GPD1L: variants seen among roughly 807,000 people sequenced by gnomAD.
The protein encoded by GPD1L is glycerol-3-phosphate dehydrogenase 1 like.
A neutral mutation model predicts 32.9 loss-of-function variants in GPD1L; 17 were observed. The observed-to-expected ratio is 0.52, with a 90% CI of 0.35 to 0.78. The LOEUF is 0.78. GPD1L is among the 30% of genes least tolerant of loss of function. The pLI is 0.01. For missense variants in GPD1L, 361 were observed against 447.8 expected, an observed-to-expected ratio of 0.81 and a Z score of 1.75; for synonymous variants, 187 against 165.9, an observed-to-expected ratio of 1.13 and a Z score of -0.98.
At position 32,166,559 on chromosome 3, in the gene GPD1L, G is replaced by C. The variant is rs1701150431; in HGVS notation, c.*649G>C. 1 of 153,660 alleles carries C rather than the reference G, an allele frequency of 6.5e-6. No individual in the cohort carries two copies. Among genetic ancestry groups the C allele is most frequent in the African/African-American group, 2.4e-5 (1 of 41,468 alleles). The allele number at this position is 153,660 out of a possible 1,614,324, so 9.5% of individuals were successfully genotyped here. On this transcript the variant is annotated 3_prime_UTR_variant, in exon 8 of 8. Transcript: ENST00000282541. ...CAGAATATGCCTTCGTCAAGGCTCAGAGGTAACAAGACAGAAAATTCATCT... is the reference window on the plus strand; with the variant it reads ...CAGAATATGCCTTCGTCAAGGCTCACAGGTAACAAGACAGAAAATTCATCT...
chr3:32,139,054 C>T (rs1263430309), intron 3 of GPD1L, among the ~76,000 whole-genome samples: 1 of 152,070 alleles, frequency 6.6e-6, no homozygotes, highest in African/African-American at 2.4e-5. Flanking sequence ...CATTAGTGCC[C>T]ATTCTTGGAT....
At chr3:32,129,360 C>G (rs1240646498) in intron 2 of GPD1L, among the ~76,000 whole-genome samples, 1 of 152,168 alleles carries the variant, frequency 6.6e-6, no homozygotes, top group Non-Finnish European at 1.5e-5. Flanking sequence ...GCGGGGGAGA[C>G]CGATCTCTAA....
chr3:32,120,333 A>T (rs925851512), intron 1 of GPD1L, among the ~76,000 whole-genome samples: 4 of 152,142 alleles, frequency 2.6e-5, no homozygotes, highest in African/African-American at 9.7e-5. Context: ...AACAAAAAAC[A>T]AACAAACAAA....
chr3:32,135,736 A>G (rs1472997467), intron 2 of GPD1L, among the ~76,000 whole-genome samples: 1 of 152,220 alleles, frequency 6.6e-6, no homozygotes, highest in East Asian at 1.9e-4. Context: ...TATTACAGGC[A>G]TGAGCATGGC....
rs756380702 is a variant in GPD1L at position 32,146,776 on chromosome 3, AT to A, written c.618+43del. On this transcript the variant is annotated intron_variant, in intron 5 of 7. Transcript: ENST00000282541. ...GGGAGGAGTTCATCAAGCAAGGCAA[AT>A]GTTAGCATCATTGAGTCTAATCCTC... 3 of 1,104,672 alleles carry A rather than the reference AT, an allele frequency of 2.7e-6. No homozygotes were observed. In the African/African-American group the frequency reaches 4.6e-5, roughly 17 times the overall value. 68.4% of individuals were successfully genotyped at this position (1,104,672 alleles called of 1,614,324 possible).
chr3:32,154,753 TA>T (rs1210529022), intron 5 of GPD1L, among the ~76,000 whole-genome samples: 3 of 106,320 alleles, frequency 2.8e-5, no homozygotes. Context: ...TCTCCTAAGC[TA>T]CTTTTTTTTT....
intron 5 of GPD1L, among the ~76,000 whole-genome samples, chr3:32,149,525 A>C (rs2125492419): frequency 6.6e-6 from 1 of 152,372 alleles, no homozygotes; most frequent in South Asian, 2.1e-4. Flanking sequence ...TAGAAAATTC[A>C]AAGGATTTAT....
chr3:32,151,175 GT>G, intron 5 of GPD1L: 1 of 584,480 alleles, frequency 1.7e-6, no homozygotes, highest in South Asian at 1.5e-5. Flanking sequence ...GAGCAGGCTG[GT>G]ACTTCAGTCT....
Position 32,168,425 on chromosome 3 carries a change from C to A in GPD1L, c.*2515C>A, listed in dbSNP as rs1701178854. On this transcript the variant is annotated 3_prime_UTR_variant, in exon 8 of 8. Transcript: ENST00000282541. ...AACTACACTGTTGCCTTGCTAGGAT[C>A]CACCCTCCTATAATATGGAACAAAT... The A allele has an allele frequency of 6.6e-6, 1 of 152,622 alleles. No individual in the cohort carries two copies. The highest frequency in any genetic ancestry group is 1.5e-5 in the Non-Finnish European group (1 of 68,046). 9.5% of individuals were successfully genotyped at this position (152,622 alleles called of 1,614,324 possible).
Position 32,167,961 on chromosome 3 carries a change from G to T in GPD1L, c.*2051G>T, listed in dbSNP as rs1183061787. 6.6e-6 allele frequency: 1 copy of T among 152,050 alleles called. No homozygotes were observed. The highest frequency in any genetic ancestry group is 1.5e-5 in the Non-Finnish European group (1 of 68,014). 9.4% of individuals were successfully genotyped at this position (152,050 alleles called of 1,614,324 possible). ...AAATCTTTGTTAAAGTTTGTACACA[G>T]GTAACAAAAAGTTACTTTAAAAGAT... On this transcript the variant is annotated 3_prime_UTR_variant, in exon 8 of 8. Coordinates refer to ENST00000282541, the MANE Select transcript of GPD1L (RefSeq NM_015141.4).
intron 5 of GPD1L, among the ~76,000 whole-genome samples, chr3:32,157,662 T>C (rs1392229241): frequency 3.9e-5 from 6 of 152,226 alleles, no homozygotes; most frequent in African/African-American, 1.4e-4. Flanking sequence ...TTATTTTTCC[T>C]GTAAGGTCAG....
chr3:32,130,608 C>G (rs2125480242), intron 2 of GPD1L, among the ~76,000 whole-genome samples: 1 of 152,310 alleles, frequency 6.6e-6, no homozygotes, highest in South Asian at 2.1e-4. Context: ...ATGTCATTGC[C>G]TGCTCACTAA....
chr3:32,162,775 G>A (rs935911339), intron 7 of GPD1L, among the ~76,000 whole-genome samples: 1 of 152,056 alleles, frequency 6.6e-6, no homozygotes, highest in African/African-American at 2.4e-5. Context: ...GGTGCATGTT[G>A]CAAGCTCCTG....
chr3:32,142,036 A>C (rs146476785), intron 4 of GPD1L, among the ~76,000 whole-genome samples: 1 of 152,214 alleles, frequency 6.6e-6, no homozygotes, highest in African/African-American at 2.4e-5. Flanking sequence ...GTAAGTGAGA[A>C]CATGCAGTAT....
Position 32,128,254 on chromosome 3 carries a change from G to A in GPD1L, c.225+1G>A. 6.2e-7 allele frequency: 1 copy of A among 1,612,342 alleles called. No individual in the cohort carries two copies. The highest frequency in any genetic ancestry group is 8.5e-7 in the Non-Finnish European group (1 of 1,178,538). ...TGGACACAAGCTGCCAGAAAATGTG[G>A]TAAGACTTTGGGGTGAAATGTACAT... On this transcript the variant is annotated splice_donor_variant, in intron 2 of 7. Coordinates refer to ENST00000282541, the MANE Select transcript of GPD1L (RefSeq NM_015141.4). LOFTEE classifies it high-confidence loss of function.
chr3:32,116,241 A>G (rs541640687), intron 1 of GPD1L, among the ~76,000 whole-genome samples: 1 of 152,338 alleles, frequency 6.6e-6, no homozygotes, highest in South Asian at 2.1e-4. Context: ...TGTTATATAA[A>G]TGTTAGAAAT....
Position 32,127,946 on chromosome 3 carries a change from A to T in GPD1L, c.48-130A>T, listed in dbSNP as rs1053758013. 4.1e-5 allele frequency: 30 copies of T among 726,414 alleles called. No individual in the cohort carries two copies. The African/African-American group carries it at 4.6e-4, about 11-fold the overall frequency. The allele number at this position is 726,414 out of a possible 1,614,324, so 45.0% of individuals were successfully genotyped here. A position where few individuals can be genotyped will look rare whatever the true frequency, so the allele number is the denominator to read the frequency against. On this transcript the variant is annotated intron_variant, in intron 1 of 7. Transcript: ENST00000282541. ...GTTTCAAATGGCTTGGGGCTGATAC[A>T]CGTCACATCTTGAGTAGGCTCAGTG... is the stretch of plus-strand genomic sequence containing the variant.
chr3:32,158,851 C>T, intron 5 of GPD1L, 25 bp from the exon 6 acceptor site: 1 of 1,611,206 alleles, frequency 6.2e-7, no homozygotes, highest in Non-Finnish European at 8.5e-7. Flanking sequence ...GTAACGGCAT[C>T]TGGGCTTTGT....
At chr3:32,111,696 C>T (rs956919678) in intron 1 of GPD1L, among the ~76,000 whole-genome samples, 10 of 152,060 alleles carry the variant, frequency 6.6e-5, no homozygotes, top group African/African-American at 2.4e-4. Context: ...TGGGAGTTGC[C>T]TATCTCTTGC....
Sources: gnomAD v4.1 joint callset for allele counts (sites outside exome capture counted in the v4.1 genomes callset) on GRCh38, gnomAD v4.1.1 for gene constraint, MANE v1.5 for transcripts, NCBI Gene and HGNC (gene_info 2026-07-23, HGNC 2026-07-21) for gene names.